VPS13C: variants seen among roughly 807,000 people sequenced by gnomAD.
The protein encoded by VPS13C is intermembrane lipid transfer protein VPS13C.
Under a neutral mutation model 456.8 loss-of-function variants are expected in VPS13C, and 358 were observed. That is an observed-to-expected ratio of 0.78 (90% CI 0.72 to 0.86). The LOEUF (loss-of-function observed/expected upper bound fraction) is 0.86. VPS13C is among the 40% of genes least tolerant of loss of function. The pLI, the probability that VPS13C is intolerant of heterozygous loss-of-function variation, is 0.00. For synonymous variants in VPS13C, 1,578 were observed against 1,486.7 expected (o/e 1.06, Z -1.41); for missense variants, 4,818 against 4,385.4 (o/e 1.10, Z -2.79).
At chr15:61,922,172 G>A (rs2043679892) in intron 54 of VPS13C, 139 bp from the exon 55 acceptor site, 1 of 1,033,658 alleles carries the variant, frequency 9.7e-7, no homozygotes, top group African/African-American at 1.6e-5. Context: ...TATATAGAGT[G>A]TATTTTCCTT....
intron 8 of VPS13C, 68 bp downstream of exon 8, chr15:62,023,343 T>C (rs1596491869): frequency 1.0e-6 from 1 of 958,260 alleles, no homozygotes; most frequent in African/African-American, 1.7e-5. Context: ...ATAATCCACA[T>C]ATAGAAAAGT....
intron 1 of VPS13C, among the ~76,000 whole-genome samples, chr15:62,058,900 G>A (rs1325287505): frequency 6.7e-6 from 1 of 148,284 alleles, no homozygotes; most frequent in Non-Finnish European, 1.5e-5. Context: ...CTTGGCAACA[G>A]AGCAAGTCCT....
chr15:61,942,416 A>C (rs905185215), intron 45 of VPS13C, among the ~76,000 whole-genome samples: 21 of 151,882 alleles, frequency 1.4e-4, no homozygotes, highest in Admixed American at 8.5e-4. Flanking sequence ...TTTAAATTCA[A>C]ATTTAAATGA....
intron 47 of VPS13C, among the ~76,000 whole-genome samples, chr15:61,937,481 C>G (rs1229219092): frequency 6.6e-6 from 1 of 152,092 alleles, no homozygotes; most frequent in Admixed American, 6.6e-5. Context: ...CTTTTCTTTT[C>G]TTTTCTTTTT....
chr15:61,896,764 C>T (rs1400814425), intron 66 of VPS13C, among the ~76,000 whole-genome samples: 1 of 152,208 alleles, frequency 6.6e-6, no homozygotes, highest in Admixed American at 6.5e-5. Flanking sequence ...CTCAAGGAGG[C>T]CTGCCTGCCT....
chr15:62,018,277 T>G lies in VPS13C; in HGVS notation c.684+2202A>C, dbSNP rs182573315. 7.5e-3 allele frequency among the ~76,000 whole-genome samples: 1,137 copies of G among 152,178 alleles called. 15 individuals carry two copies. Among genetic ancestry groups the G allele is most frequent in the Middle Eastern group, 0.017 (5 of 294 alleles). ...TCTTTTCCTAATTGAATACCCTTTA[T>G]TTCTTTCTCCTGCTTGACTGCCCTG... On this transcript the variant is annotated intron_variant, in intron 9 of 84. Coordinates refer to ENST00000644861, the MANE Select transcript of VPS13C (RefSeq NM_020821.3).
At chr15:61,886,195 G>A (rs1896257579) in intron 67 of VPS13C, among the ~76,000 whole-genome samples, 1 of 152,092 alleles carries the variant, frequency 6.6e-6, no homozygotes, top group African/African-American at 2.4e-5. Context: ...TTTGCTTACA[G>A]CCTCATTATT....
At chr15:61,920,372 C>T (rs759100604) in intron 56 of VPS13C, 41 bp from the exon 57 acceptor site, 54 of 1,526,506 alleles carry the variant, frequency 3.5e-5, no homozygotes, top group Non-Finnish European at 1.8e-6. Flanking sequence ...TTTTGAAAAA[C>T]ATACATTCTT....
At chr15:62,030,749 A>C (rs1046714618) in intron 5 of VPS13C, among the ~76,000 whole-genome samples, 3 of 152,122 alleles carry the variant, frequency 2.0e-5, no homozygotes, top group Admixed American at 6.6e-5. Flanking sequence ...CTCCGTGACT[A>C]CCATAACAGG....
Position 61,917,490 on chromosome 15 carries a change from G to A in VPS13C, c.7906C>T (p.Pro2636Ser). 6.2e-7 allele frequency: 1 copy of A among 1,614,014 alleles called. No homozygotes were observed. The highest frequency in any genetic ancestry group is 8.5e-7 in the Non-Finnish European group (1 of 1,179,934). Residue 2636 changes from proline to serine, a missense_variant, in exon 60 of 85, where the codon CCT (proline) becomes TCT (serine). Pro to Ser is a moderately conservative substitution (Grantham distance 74). This residue lies in a region of VPS13C where 4,552 missense variants were observed against 4,130.6 expected (regional missense o/e 1.10). Coordinates refer to ENST00000644861, the MANE Select transcript of VPS13C (RefSeq NM_020821.3). ...AGAGCAACTGTATTCACTATGAGAG[G>A]TAAGAAGCTGACTTCTACTGATGGA... is the stretch of plus-strand genomic sequence containing the variant. The part of the protein sequence containing the change: ...QCPSVEVSFL[P>S]LIVNTVALPD...
chr15:61,974,478 T>A, intron 24 of VPS13C, 61 bp from the exon 25 acceptor site: 2 of 1,554,672 alleles, frequency 1.3e-6, no homozygotes, highest in South Asian at 1.2e-5. Flanking sequence ...AGGGAAAGAA[T>A]TGCATTAATG....
At chr15:62,050,805 CAAAAAAA>C (rs34228451) in intron 1 of VPS13C, among the ~76,000 whole-genome samples, 3 of 55,884 alleles carry the variant, frequency 5.4e-5, no homozygotes, top group Non-Finnish European at 1.1e-4. Flanking sequence ...GACCCAGTCT[CAAAAAAA>C]AAAAAAAAAA....
chr15:61,893,042 G>A (rs555758466), intron 66 of VPS13C, among the ~76,000 whole-genome samples: 22 of 152,296 alleles, frequency 1.4e-4, no homozygotes, highest in Non-Finnish European at 2.4e-4. Flanking sequence ...AGAGAGTTGA[G>A]AAAGAGCAAG....
intron 66 of VPS13C, among the ~76,000 whole-genome samples, chr15:61,902,279 G>C (rs4774424): frequency 1.5e-4 from 11 of 72,182 alleles, no homozygotes; most frequent in Admixed American, 1.3e-3. Context: ...GAAAAAAAAC[G>C]TAAAAAAAAA....
intron 13 of VPS13C, among the ~76,000 whole-genome samples, 170 bp from the exon 14 acceptor site, chr15:62,008,931 T>C (rs1450059347): frequency 6.6e-6 from 1 of 152,192 alleles, no homozygotes; most frequent in Non-Finnish European, 1.5e-5. Context: ...CAATTACAAG[T>C]ATACTACAGT....
chr15:61,914,878 T>TAAAAAAAAAAAAAAAAAAAAAAAAAAA (rs60910951), intron 61 of VPS13C, among the ~76,000 whole-genome samples: 5 of 102,048 alleles, frequency 4.9e-5, no homozygotes, highest in Admixed American at 1.1e-4. Context: ...AACTCTGCCT[T>TAAAAAAAAAAAAAAAAAAAAAAAAAAA]AAAAAAAAAA....
chr15:62,001,608 C>T (rs1265868027), intron 15 of VPS13C, among the ~76,000 whole-genome samples: 4 of 151,984 alleles, frequency 2.6e-5, no homozygotes, highest in Admixed American at 6.6e-5. Context: ...CATGCTGGTG[C>T]GCTGCACCCA....
chr15:61,946,439 T>G (rs1022784961), intron 43 of VPS13C, 29 bp from the exon 44 acceptor site: 1 of 1,539,498 alleles, frequency 6.5e-7, no homozygotes, highest in Non-Finnish European at 8.8e-7. Context: ...TTATAAACTT[T>G]TCACCCAATC....
Position 62,023,861 on chromosome 15 carries a change from AT to A in VPS13C, c.449-17del. ...CGTTTACGTCCTTCACAGTGGAAGC[AT>A]TTTAGTGAGAAAAGGATAAGATTCA... On this transcript the variant is annotated splice_polypyrimidine_tract_variant and intron_variant, in intron 6 of 84. Transcript: ENST00000644861. 6.2e-7 allele frequency: 1 copy of A among 1,603,878 alleles called. No homozygotes were observed. Among genetic ancestry groups the A allele is most frequent in the Non-Finnish European group, 8.5e-7 (1 of 1,174,140 alleles).
Sources: allele counts gnomAD v4.1 joint callset (sites outside exome capture counted in the v4.1 genomes callset), GRCh38; gene constraint gnomAD v4.1.1; regional missense constraint gnomAD v4.1.1; transcripts MANE v1.5; gene names NCBI Gene and HGNC (gene_info 2026-07-23, HGNC 2026-07-21).